Variants in APP observed in about 807,000 individuals in gnomAD.
APP encodes the protein amyloid beta precursor protein, also known as amyloid-beta precursor protein.
In APP, 31 loss-of-function variants were observed where a neutral mutation model predicts 101.4. The ratio of observed to expected loss-of-function variants is 0.31; its 90% CI spans 0.23 to 0.41. The LOEUF (loss-of-function observed/expected upper bound fraction) is 0.41, where lower values mean the gene tolerates loss of function less well. APP is among the 10% of genes least tolerant of loss of function. APP has a pLI of 1.00. For synonymous variants in APP, 366 were observed against 364.4 expected, an observed-to-expected ratio of 1.00 and a Z score of -0.05; for missense variants, 839 against 1,003.7, an observed-to-expected ratio of 0.84 and a Z score of 2.22.
chr21:25,899,957 TCAATGACCTA>T (rs2038330167), intron 15 of APP, among the ~76,000 whole-genome samples: 2 of 152,168 alleles, frequency 1.3e-5, no homozygotes, highest in African/African-American at 2.4e-5. Flanking sequence ...TCTGGTCCTC[TCAATGACCTA>T]ACCCTCAACC....
chr21:26,078,729 T>C (rs1431540694), intron 3 of APP, among the ~76,000 whole-genome samples: 1 of 152,218 alleles, frequency 6.6e-6, no homozygotes, highest in Non-Finnish European at 1.5e-5. Flanking sequence ...GAAAGTTATT[T>C]ACTGGCTTGA....
At chr21:26,050,494 A>G (rs1330260973) in intron 5 of APP, among the ~76,000 whole-genome samples, 1 of 152,062 alleles carries the variant, frequency 6.6e-6, no homozygotes, top group Non-Finnish European at 1.5e-5. Flanking sequence ...GGTAGTTAAA[A>G]AAAATTAACA....
chr21:26,099,241 CAG>C (rs1031385285), intron 2 of APP, among the ~76,000 whole-genome samples: 1 of 151,006 alleles, frequency 6.6e-6, no homozygotes, highest in African/African-American at 2.4e-5. Flanking sequence ...ATACATGAAA[CAG>C]AGAATCAAAT....
At chr21:26,099,777 G>C (rs947202123) in intron 2 of APP, among the ~76,000 whole-genome samples, 1 of 152,160 alleles carries the variant, frequency 6.6e-6, no homozygotes, top group African/African-American at 2.4e-5. Flanking sequence ...TTAATGAGGC[G>C]CTGAGAGGCA....
chr21:25,961,858 T>C (rs948801994), intron 11 of APP, among the ~76,000 whole-genome samples: 23 of 152,158 alleles, frequency 1.5e-4, no homozygotes, highest in Non-Finnish European at 7.4e-5. Flanking sequence ...AACAAAAGAA[T>C]TCAGTGGCTC....
intron 1 of APP, among the ~76,000 whole-genome samples, chr21:26,127,074 T>G (rs1569006857): frequency 6.6e-6 from 1 of 152,130 alleles, no homozygotes; most frequent in African/African-American, 2.4e-5. Context: ...TACAGAAGAT[T>G]GCCCCATAAT....
chr21:25,992,864 C>T (rs2042921291), intron 8 of APP, among the ~76,000 whole-genome samples: 1 of 152,146 alleles, frequency 6.6e-6, no homozygotes, highest in South Asian at 2.1e-4. Context: ...AGTTTTAGTT[C>T]CAATGGTATT....
intron 5 of APP, among the ~76,000 whole-genome samples, chr21:26,049,137 A>G (rs9808682): frequency 0.015 from 2,221 of 152,296 alleles, 53 homozygotes; most frequent in African/African-American, 0.05. Flanking sequence ...ATAGTAACAC[A>G]TGGGAAAGAA....
At chr21:26,130,255 G>A (rs1001329598) in intron 1 of APP, among the ~76,000 whole-genome samples, 13 of 152,226 alleles carry the variant, frequency 8.5e-5, no homozygotes, top group South Asian at 2.1e-4. Context: ...AAAAATTGCT[G>A]TAATGAGGCT....
At chr21:25,884,069 G>C (rs1200269283) in intron 17 of APP, among the ~76,000 whole-genome samples, 1 of 152,160 alleles carries the variant, frequency 6.6e-6, no homozygotes, top group Non-Finnish European at 1.5e-5. Context: ...AGTAGAGATG[G>C]GGTTTCACCA....
At chr21:26,048,712 A>G (rs2045714419) in intron 5 of APP, among the ~76,000 whole-genome samples, 3 of 152,240 alleles carry the variant, frequency 2.0e-5, no homozygotes, top group Admixed American at 6.5e-5. Context: ...TTATGGTCTT[A>G]TAAGAAAAAG....
At chr21:26,118,881 A>G (rs73168375) in intron 1 of APP, among the ~76,000 whole-genome samples, 14,482 of 122,498 alleles carry the variant, frequency 0.12, 888 homozygotes, top group South Asian at 0.18. Flanking sequence ...CAGTCACCAA[A>G]GGGAAAAAAA....
intron 6 of APP, among the ~76,000 whole-genome samples, chr21:26,008,515 A>G (rs2043638317): frequency 6.6e-6 from 1 of 152,224 alleles, no homozygotes; most frequent in South Asian, 2.1e-4. Context: ...CACTGTCTAG[A>G]AAAACAAACA....
intron 13 of APP, among the ~76,000 whole-genome samples, chr21:25,953,672 T>A (rs987926937): frequency 3.7e-4 from 56 of 152,234 alleles, no homozygotes; most frequent in African/African-American, 1.2e-3. Context: ...ACCAACATAA[T>A]CGTCATCTAT....
intron 17 of APP, 35 bp from the exon 18 acceptor site, chr21:25,881,806 AAATC>A (rs746121208): frequency 3.1e-6 from 5 of 1,593,418 alleles, no homozygotes; most frequent in African/African-American, 1.3e-5. Flanking sequence ...TAAAAAATAA[AAATC>A]AATCTTTTAA....
chr21:25,992,024 A>G (rs1052585487), intron 8 of APP, among the ~76,000 whole-genome samples: 2 of 152,238 alleles, frequency 1.3e-5, no homozygotes, highest in South Asian at 2.1e-4. Context: ...TGGCTGGGAT[A>G]GCAACACCTT....
At chr21:25,888,772 T>TAA (rs11374741) in intron 17 of APP, among the ~76,000 whole-genome samples, 4 of 151,896 alleles carry the variant, frequency 2.6e-5, no homozygotes, top group South Asian at 2.1e-4. Flanking sequence ...GTAAACTGAC[T>TAA]AAAAAAAGAG....
intron 13 of APP, among the ~76,000 whole-genome samples, chr21:25,916,286 C>T (rs1683480862): frequency 6.6e-6 from 1 of 152,158 alleles, no homozygotes; most frequent in Admixed American, 6.5e-5. Context: ...AGGCGGGAGC[C>T]ACTGCGCCTG....
intron 1 of APP, 133 bp from the exon 2 acceptor site, chr21:26,112,279 C>A: frequency 1.1e-6 from 1 of 899,136 alleles, no homozygotes; most frequent in Non-Finnish European, 1.8e-6. Context: ...CGGTCTTCAA[C>A]ACTCCTTTAG....
Sources: allele counts gnomAD v4.1 joint callset (sites outside exome capture counted in the v4.1 genomes callset), GRCh38; gene constraint gnomAD v4.1.1; transcripts MANE v1.5; gene names NCBI Gene and HGNC (gene_info 2026-07-23, HGNC 2026-07-21).